The following NRP2 variants were observed in gnomAD, a reference collection of about 807,000 sequenced individuals.
NRP2 encodes neuropilin 2, also known as neuropilin-2.
A neutral mutation model predicts 110.4 loss-of-function variants in NRP2; 52 were observed. The ratio of observed to expected loss-of-function variants is 0.47; its 90% CI spans 0.38 to 0.59. The LOEUF is 0.59. NRP2 is among the 20% of genes least tolerant of loss of function. The pLI, the probability that NRP2 is intolerant of heterozygous loss-of-function variation, is 0.00. For missense variants in NRP2, 1,049 were observed against 1,203.0 expected, an observed-to-expected ratio of 0.87 and a Z score of 1.89; for synonymous variants, 508 against 468.9, an observed-to-expected ratio of 1.08 and a Z score of -1.08.
chr2:205,728,907 G>A (rs1037062465), intron 7 of NRP2, among the ~76,000 whole-genome samples: 41 of 152,256 alleles, frequency 2.7e-4, no homozygotes, highest in South Asian at 2.1e-4. Flanking sequence ...TGTGATGTCT[G>A]GGGGATTCCT....
At chr2:205,787,016 C>G (rs1231068485) in intron 15 of NRP2, among the ~76,000 whole-genome samples, 1 of 152,186 alleles carries the variant, frequency 6.6e-6, no homozygotes, top group African/African-American at 2.4e-5. Context: ...GTTGCCTTGT[C>G]TCCCTCAACC....
intron 15 of NRP2, among the ~76,000 whole-genome samples, chr2:205,772,039 T>G (rs7569683): frequency 0.95 from 145,245 of 152,316 alleles, 69,376 homozygotes; most frequent in East Asian, 1. Flanking sequence ...TTGCTAGCAG[T>G]GTACAGTTCC....
intron 3 of NRP2, 94 bp downstream of exon 3, chr2:205,716,468 CAG>C (rs2056898387): frequency 7.8e-7 from 1 of 1,279,350 alleles, no homozygotes; most frequent in Admixed American, 1.7e-5. Context: ...GTAAGGGTGA[CAG>C]TGTCATCCAG....
intron 12 of NRP2, among the ~76,000 whole-genome samples, chr2:205,753,538 A>G (rs746611819): frequency 1.3e-5 from 2 of 152,198 alleles, no homozygotes; most frequent in Non-Finnish European, 2.9e-5. Flanking sequence ...TCCTGGATAC[A>G]TTGTTAAGCC....
chr2:205,694,158 C>T (rs1224009061), intron 1 of NRP2, among the ~76,000 whole-genome samples: 1 of 152,128 alleles, frequency 6.6e-6, no homozygotes. Context: ...GGTACTTAGA[C>T]TACCAGCAAA....
chr2:205,766,405 G>A (rs954632679), intron 14 of NRP2, among the ~76,000 whole-genome samples: 4 of 152,204 alleles, frequency 2.6e-5, no homozygotes, highest in African/African-American at 4.8e-5. Context: ...GCTTGATGAT[G>A]TCAGAAGCAC....
rs550707204 is a variant in NRP2, at chr2:205,776,973, T to C, written c.2425+10170T>C. The C allele has an allele frequency of 1.0e-5, 11 of 1,086,992 alleles. No homozygotes were observed. The East Asian group carries it at 7.0e-4, about 69-fold the overall frequency. The allele number at this position is 1,086,992 out of a possible 1,614,324, so 67.3% of individuals were successfully genotyped here. A position where few individuals can be genotyped will look rare whatever the true frequency, so the allele number is the denominator to read the frequency against. ...ATGTGTGTGTGTGAATAGCTCTCTG[T>C]GTGTGGGTGTGTGAGAGAGCGGCTG... On this transcript the variant is annotated intron_variant, in intron 15 of 16. Transcript: ENST00000357785.
intron 3 of NRP2, among the ~76,000 whole-genome samples, chr2:205,716,583 G>A (rs1265186640): frequency 6.7e-6 from 1 of 150,100 alleles, no homozygotes; most frequent in Non-Finnish European, 1.5e-5. Context: ...TGGGCGGGGG[G>A]GTGGGGGTGG....
At chr2:205,696,333 C>T (rs371600353) in intron 1 of NRP2, among the ~76,000 whole-genome samples, 1 of 152,164 alleles carries the variant, frequency 6.6e-6, no homozygotes, top group Non-Finnish European at 1.5e-5. Context: ...TCCTGGAGGG[C>T]GGCTGCTGAG....
At chr2:205,696,379 T>C (rs1366759888) in intron 1 of NRP2, among the ~76,000 whole-genome samples, 3 of 152,202 alleles carry the variant, frequency 2.0e-5, no homozygotes, top group Non-Finnish European at 2.9e-5. Context: ...TGCTGCTCCA[T>C]GCAGATGGCG....
At position 205,743,571 on chromosome 2, in the gene NRP2, C is replaced by G. The variant is rs1266911189; in HGVS notation, c.1641+19C>G. 17 of 1,613,106 alleles carry G rather than the reference C, an allele frequency of 1.1e-5. No individual in the cohort carries two copies. The highest frequency in any genetic ancestry group is 1.4e-5 in the Non-Finnish European group (17 of 1,179,378). On this transcript the variant is annotated intron_variant, in intron 9 of 16. Coordinates refer to ENST00000357785, the MANE Select transcript of NRP2 (RefSeq NM_003872.3). ...GCCAAAGGTAGGCTGTTCTTGGAGG[C>G]CTCTGTAACGTTACCCTCAACAGGG...
At chr2:205,688,494 A>ATTGCC (rs561023440) in intron 1 of NRP2, among the ~76,000 whole-genome samples, 4 of 152,302 alleles carry the variant, frequency 2.6e-5, no homozygotes, top group Non-Finnish European at 4.4e-5. Flanking sequence ...TAATGGTTTC[A>ATTGCC]TTGCCTAACA....
chr2:205,691,966 G>T (rs562363835), intron 1 of NRP2, among the ~76,000 whole-genome samples: 136 of 152,302 alleles, frequency 8.9e-4, no homozygotes, highest in Middle Eastern at 6.8e-3. Context: ...GGGGAGAGAT[G>T]TTCAAAAGGC....
chr2:205,737,935 C>T (rs916838991), intron 7 of NRP2, among the ~76,000 whole-genome samples: 2 of 152,184 alleles, frequency 1.3e-5, no homozygotes, highest in Non-Finnish European at 2.9e-5. Context: ...CATGCGAGTG[C>T]GTGCAGCCCA....
chr2:205,769,747 G>A (rs995271568), intron 15 of NRP2, among the ~76,000 whole-genome samples: 2 of 151,976 alleles, frequency 1.3e-5, no homozygotes, highest in African/African-American at 4.8e-5. Flanking sequence ...CTTTTTTAAA[G>A]CAGTGGCTAT....
At chr2:205,739,814 C>T (rs1436063136) in intron 7 of NRP2, 2 of 153,800 alleles carry the variant, frequency 1.3e-5, no homozygotes, top group East Asian at 3.8e-4. Flanking sequence ...TCCAAAAAGC[C>T]TTCCCTCCCA....
intron 12 of NRP2, chr2:205,756,599 A>G (rs1162119914): frequency 6.6e-6 from 1 of 152,244 alleles, no homozygotes; most frequent in East Asian, 1.9e-4. Context: ...GTCAGTGCAT[A>G]GACAGGGCAC....
chr2:205,711,725 G>A lies in NRP2; in HGVS notation c.252-4468G>A, dbSNP rs993932241. ...AGAAGGGGCAGAGTATTCTTCCTCC[G>A]AAGACCTAAGTACTCTATCTTCGAT... On this transcript the variant is annotated intron_variant, in intron 2 of 16. Transcript: ENST00000357785. Among the ~76,000 whole-genome samples the A allele has an allele frequency of 8.5e-5, 13 of 152,274 alleles. 1 individual carries two copies. In the South Asian group the frequency reaches 2.1e-3, roughly 24 times the overall value.
intron 15 of NRP2, chr2:205,776,893 G>C (rs1028530761): frequency 8.3e-7 from 1 of 1,203,746 alleles, no homozygotes; most frequent in Non-Finnish European, 1.0e-6. Context: ...TCAGTGGGCA[G>C]TCTGCCAGGA....
Sources: gnomAD v4.1 joint callset for allele counts (sites outside exome capture counted in the v4.1 genomes callset) on GRCh38, gnomAD v4.1.1 for gene constraint, MANE v1.5 for transcripts, NCBI Gene and HGNC (gene_info 2026-07-23, HGNC 2026-07-21) for gene names.